The following UQCC2 variants were observed in gnomAD, a reference collection of about 807,000 sequenced individuals.
UQCC2 encodes breast cancer-associated protein SGA-81M.
In UQCC2, 21 loss-of-function variants were observed where a neutral mutation model predicts 19.9. That is an observed-to-expected ratio of 1.05 (90% CI 0.75 to 1.52). The LOEUF (loss-of-function observed/expected upper bound fraction) is 1.52. Ranked by LOEUF, UQCC2 falls within the 40% of genes most tolerant of loss-of-function variation. The pLI is 0.00. For missense variants in UQCC2, 135 were observed against 157.5 expected (o/e 0.86, Z 0.76); for synonymous variants, 57 against 60.9 (o/e 0.94, Z 0.30).
chr6:33,700,718 G>A (rs1226514275), intron 2 of UQCC2, among the ~76,000 whole-genome samples: 2 of 152,208 alleles, frequency 1.3e-5, no homozygotes, highest in East Asian at 1.9e-4. Context: ...TAATGTACCC[G>A]TGAGTCCTCC....
Position 33,711,549 on chromosome 6 carries a change from C to A in UQCC2, c.138G>T (p.Gln46His). 2 of 1,602,520 alleles carry A rather than the reference C, an allele frequency of 1.2e-6. No homozygotes were observed. Among genetic ancestry groups the A allele is most frequent in the Non-Finnish European group, 1.7e-6 (2 of 1,175,498 alleles). The change falls in exon 1 of 4, where the codon CAG becomes CAT. Residue 46 changes from glutamine (Q) to histidine (H), a missense_variant and splice_region_variant. Transcript: ENST00000607484. ...AQAFREGENT[Q>H]VAEPEACDQM... ...TCCCAGCCGCCTCCCCGCCGGTCAC[C>A]TGGGTATTCTCTCCCTCCCGAAAGG...
intron 1 of UQCC2, among the ~76,000 whole-genome samples, chr6:33,706,528 C>T (rs774844216): frequency 2.0e-5 from 3 of 152,192 alleles, no homozygotes; most frequent in Non-Finnish European, 4.4e-5. Flanking sequence ...GGCCGCTGCA[C>T]GAGACCCGAG....
chr6:33,702,766 A>G (rs377605334), intron 1 of UQCC2, among the ~76,000 whole-genome samples: 1 of 152,248 alleles, frequency 6.6e-6, no homozygotes, highest in Non-Finnish European at 1.5e-5. Flanking sequence ...CCCAGAATTC[A>G]AATGATGGAT....
At chr6:33,706,044 A>C (rs1765694479) in intron 1 of UQCC2, among the ~76,000 whole-genome samples, 1 of 152,192 alleles carries the variant, frequency 6.6e-6, no homozygotes, top group South Asian at 2.1e-4. Context: ...TTACCATATT[A>C]AACTTTTATA....
chr6:33,711,668 G>C lies in UQCC2; in HGVS notation c.19C>G (p.Arg7Gly). 6.2e-7 allele frequency: 1 copy of C among 1,610,624 alleles called. No individual in the cohort carries two copies. Among genetic ancestry groups the C allele is most frequent in the Non-Finnish European group, 8.5e-7 (1 of 1,178,998 alleles). Residue 7 changes from arginine to glycine, a missense_variant, in exon 1 of 4, where the codon CGG becomes GGG. By Grantham distance (125) the Arg-to-Gly change is moderately radical. Coordinates refer to ENST00000607484, the MANE Select transcript of UQCC2 (RefSeq NM_032340.4). MAASRY[R>G]RFLKLCEEWP... Reference sequence around the variant, plus strand: ...TCCTCACAGAGCTTAAGAAAACGCCGGTACCGGCTGGCCGCCATCTTGGGC... The same window carrying C: ...TCCTCACAGAGCTTAAGAAAACGCCCGTACCGGCTGGCCGCCATCTTGGGC...
chr6:33,705,070 C>T (rs1163280501), intron 1 of UQCC2, among the ~76,000 whole-genome samples: 18 of 149,170 alleles, frequency 1.2e-4, no homozygotes, highest in Non-Finnish European at 2.7e-4. Flanking sequence ...CTCACTCTGT[C>T]GCCCAGGCTG....
At chr6:33,698,438 A>G (rs894964675) in intron 3 of UQCC2, 2 of 148,896 alleles carry the variant, frequency 1.3e-5, no homozygotes, top group Admixed American at 1.3e-4. Context: ...AAAAAGTAAG[A>G]AAAAAAAAAC....
chr6:33,709,261 C>G (rs1765737265), intron 1 of UQCC2, among the ~76,000 whole-genome samples: 1 of 152,212 alleles, frequency 6.6e-6, no homozygotes, highest in South Asian at 2.1e-4. Flanking sequence ...GCTCTCAAAT[C>G]AATTCTCACC....
At chr6:33,697,869 GA>G in intron 3 of UQCC2, 119 bp from the exon 4 acceptor site, 6 of 754,730 alleles carry the variant, frequency 7.9e-6, no homozygotes, top group Non-Finnish European at 1.1e-5. Flanking sequence ...GTGTGTTCCT[GA>G]AAAAGGTGGA....
In UQCC2 at chr6:33,697,224, G is replaced by C. The variant is rs749847; in HGVS notation, c.*429C>G. The C allele has an allele frequency of 0.42, 66,598 of 158,856 alleles. 16,503 individuals are homozygous for C. The highest frequency in any genetic ancestry group is 0.86 in the East Asian group (4,629 of 5,366). 9.8% of individuals were successfully genotyped at this position (158,856 alleles called of 1,614,324 possible). On this transcript the variant is annotated 3_prime_UTR_variant, in exon 4 of 4. Coordinates refer to ENST00000607484, the MANE Select transcript of UQCC2 (RefSeq NM_032340.4). ...GCCTCACACCTCCCTACTGCTTTCT[G>C]TTTGCAACAGGATGCCCTTTTCAGT...
At chr6:33,699,884 G>A (rs1765618411) in intron 3 of UQCC2, among the ~76,000 whole-genome samples, 1 of 152,110 alleles carries the variant, frequency 6.6e-6, no homozygotes, top group Non-Finnish European at 1.5e-5. Context: ...CTGGCTCTCC[G>A]GCCCCCCTCC....
intron 1 of UQCC2, among the ~76,000 whole-genome samples, chr6:33,710,198 C>T (rs1035159711): frequency 6.6e-6 from 1 of 152,182 alleles, no homozygotes; most frequent in Non-Finnish European, 1.5e-5. Flanking sequence ...TCCAACCCCC[C>T]ACCATCTGTC....
rs545800800 is a variant in UQCC2, at chr6:33,702,402, G to C, written c.139-982C>G. ...GTGGGGAGCTGCTGAAACTCTACAA[G>C]AAGGAAAGAAACATGAAGAAGGCAA... On this transcript the variant is annotated intron_variant, in intron 1 of 3. Transcript: ENST00000607484. Among the ~76,000 whole-genome samples the C allele has an allele frequency of 2.0e-5, 3 of 152,026 alleles. No homozygotes were observed. The South Asian group carries it at 6.2e-4, about 31-fold the overall frequency.
intron 3 of UQCC2, among the ~76,000 whole-genome samples, chr6:33,699,796 G>A (rs1277026177): frequency 6.6e-6 from 1 of 152,184 alleles, no homozygotes; most frequent in Non-Finnish European, 1.5e-5. Flanking sequence ...TGCCCTCCCA[G>A]AAAAGGTTAA....
chr6:33,709,884 G>A (rs6911745), intron 1 of UQCC2, among the ~76,000 whole-genome samples: 5,126 of 152,086 alleles, frequency 0.034, 93 homozygotes, highest in African/African-American at 0.054. Context: ...TCTCTTGCCC[G>A]AGCCCCAGGC....
At chr6:33,707,610 GAGC>G (rs1384427291) in intron 1 of UQCC2, among the ~76,000 whole-genome samples, 1 of 152,258 alleles carries the variant, frequency 6.6e-6, no homozygotes, top group Non-Finnish European at 1.5e-5. Flanking sequence ...GGTGGGCGAA[GAGC>G]AGCAGCTCTT....
chr6:33,707,773 T>A (rs763695593), intron 1 of UQCC2, among the ~76,000 whole-genome samples: 4 of 152,244 alleles, frequency 2.6e-5, no homozygotes, highest in Admixed American at 6.5e-5. Flanking sequence ...TTGTGCCACC[T>A]TCCCCCACGT....
intron 2 of UQCC2, 53 bp from the exon 3 acceptor site, chr6:33,700,566 G>A (rs1765627469): frequency 1.9e-6 from 3 of 1,584,712 alleles, no homozygotes; most frequent in South Asian, 2.2e-5. Context: ...CAGCACACAA[G>A]CCCTGCTCTC....
intron 2 of UQCC2, 67 bp downstream of exon 2, chr6:33,701,278 AT>A (rs1257441746): frequency 6.7e-7 from 1 of 1,498,862 alleles, no homozygotes; most frequent in African/African-American, 1.4e-5. Flanking sequence ...ACCTAATCAG[AT>A]TTTCACTCAT....
Sources: gnomAD v4.1 joint callset for allele counts (sites outside exome capture counted in the v4.1 genomes callset) on GRCh38, gnomAD v4.1.1 for gene constraint, MANE v1.5 for transcripts, NCBI Gene and HGNC (gene_info 2026-07-23, HGNC 2026-07-21) for gene names.